The following DISP1 variants were observed in gnomAD, a reference collection of about 807,000 sequenced individuals.
The protein encoded by DISP1 is protein dispatched homolog 1.
DISP1 carries 30 observed loss-of-function variants against 37.3 expected under a neutral mutation model. The ratio of observed to expected loss-of-function variants is 0.80; its 90% confidence interval spans 0.60 to 1.09. The LOEUF is 1.09. Among genes scored for constraint, DISP1 ranks in the 50% least tolerant of loss-of-function variants. The pLI is 0.00. For missense variants in DISP1, 1,598 were observed against 1,879.5 expected (o/e 0.85, Z 2.77); for synonymous variants, 634 against 690.2 (o/e 0.92, Z 1.28).
At chr1:222,934,736 G>C (rs939335260) in intron 2 of DISP1, among the ~76,000 whole-genome samples, 1 of 152,074 alleles carries the variant, frequency 6.6e-6, no homozygotes, top group Non-Finnish European at 1.5e-5. Context: ...CCACTTGAGA[G>C]GGAAACAAAT....
chr1:222,931,592 T>C (rs964876926), intron 2 of DISP1, among the ~76,000 whole-genome samples: 6 of 151,758 alleles, frequency 4.0e-5, no homozygotes, highest in African/African-American at 1.5e-4. Context: ...TCTTATTTGG[T>C]GGGGATGTGA....
At chr1:222,958,076 C>T (rs767093005) in intron 3 of DISP1, among the ~76,000 whole-genome samples, 2 of 152,116 alleles carry the variant, frequency 1.3e-5, no homozygotes, top group Non-Finnish European at 2.9e-5. Context: ...AATGAGTGTG[C>T]GTTTTTGCTC....
chr1:222,964,032 A>G (rs1450241800), intron 3 of DISP1, among the ~76,000 whole-genome samples: 1 of 152,026 alleles, frequency 6.6e-6, no homozygotes, highest in Non-Finnish European at 1.5e-5. Context: ...AAAAAAAGAA[A>G]AGCCAGGCAT....
chr1:222,869,557 G>A (rs933272057), intron 1 of DISP1, among the ~76,000 whole-genome samples: 5 of 152,026 alleles, frequency 3.3e-5, no homozygotes, highest in Admixed American at 1.3e-4. Context: ...TTTTAACAAG[G>A]GAATTCTTTC....
At chr1:222,952,901 A>G (rs908175309) in intron 3 of DISP1, among the ~76,000 whole-genome samples, 8 of 152,222 alleles carry the variant, frequency 5.3e-5, no homozygotes, top group African/African-American at 1.9e-4. Flanking sequence ...GTCCTACATT[A>G]GCAAAAATTG....
At chr1:222,838,622 C>T (rs1034365506) in intron 1 of DISP1, among the ~76,000 whole-genome samples, 8 of 152,128 alleles carry the variant, frequency 5.3e-5, no homozygotes, top group Non-Finnish European at 1.0e-4. Context: ...AAAAAATTAG[C>T]TGGGCATGGT....
At chr1:222,959,016 C>G (rs1675828607) in intron 3 of DISP1, among the ~76,000 whole-genome samples, 1 of 152,012 alleles carries the variant, frequency 6.6e-6, no homozygotes. Context: ...ATTCTCATCA[C>G]ATTATTATCT....
At position 222,936,922 on chromosome 1, in the gene DISP1, T is replaced by C. The variant is rs867198610; in HGVS notation, c.-17-5885T>C. Reference sequence around the variant, plus strand: ...TTTATATATAATATATTATATATTATATAATATGTAATATATATTATATAT... The same window carrying C: ...TTTATATATAATATATTATATATTACATAATATGTAATATATATTATATAT... On this transcript the variant is annotated intron_variant, in intron 2 of 8. Transcript: ENST00000675850. Among the ~76,000 whole-genome samples the C allele has an allele frequency of 2.0e-3, 147 of 73,132 alleles. 1 individual carries two copies. Among genetic ancestry groups the C allele is most frequent in the African/African-American group, 6.9e-3 (142 of 20,476 alleles). The allele number at this position is 73,132 out of a possible 152,430, so 48.0% of individuals were successfully genotyped here.
chr1:222,822,812 C>T (rs1663274100), intron 1 of DISP1, among the ~76,000 whole-genome samples: 1 of 152,210 alleles, frequency 6.6e-6, no homozygotes, highest in Admixed American at 6.5e-5. Context: ...TGCACACCTT[C>T]TTAAAATCTC....
intron 1 of DISP1, among the ~76,000 whole-genome samples, chr1:222,886,316 A>C (rs1670599960): frequency 6.6e-6 from 1 of 152,204 alleles, no homozygotes. Context: ...CAATGATAGG[A>C]GCAGCTACCA....
chr1:222,817,056 G>A (rs1572074529), intron 1 of DISP1, among the ~76,000 whole-genome samples: 2 of 152,322 alleles, frequency 1.3e-5, no homozygotes, highest in East Asian at 1.9e-4. Context: ...GGCAAGTTGG[G>A]CTAGCTATAT....
At chr1:223,001,572 T>C (rs762077578) in intron 8 of DISP1, among the ~76,000 whole-genome samples, 1 of 152,206 alleles carries the variant, frequency 6.6e-6, no homozygotes, top group Non-Finnish European at 1.5e-5. Context: ...TCGGACTGGG[T>C]AATTTATAAA....
chr1:222,929,427 A>G (rs1673261949), intron 2 of DISP1, among the ~76,000 whole-genome samples: 1 of 152,180 alleles, frequency 6.6e-6, no homozygotes, highest in Non-Finnish European at 1.5e-5. Flanking sequence ...CATGCACATC[A>G]CTGACCATAA....
intron 3 of DISP1, among the ~76,000 whole-genome samples, chr1:222,946,516 A>G (rs370205834): frequency 2.6e-5 from 4 of 152,296 alleles, no homozygotes; most frequent in East Asian, 1.9e-4. Flanking sequence ...TTGTGCCTCA[A>G]TGATTACTTT....
chr1:222,950,598 T>C, intron 3 of DISP1, among the ~76,000 whole-genome samples: 1 of 145,730 alleles, frequency 6.9e-6, no homozygotes, highest in Admixed American at 6.9e-5. Context: ...AGACTCCGTC[T>C]CAAAAAAAAA....
At chr1:222,844,307 T>C (rs937537171) in intron 1 of DISP1, among the ~76,000 whole-genome samples, 11 of 152,168 alleles carry the variant, frequency 7.2e-5, no homozygotes, top group African/African-American at 2.7e-4. Context: ...CTTTCAAGTG[T>C]AGCTTAGAAA....
At chr1:222,942,329 A>G (rs1558344488) in intron 2 of DISP1, among the ~76,000 whole-genome samples, 1 of 152,158 alleles carries the variant, frequency 6.6e-6, no homozygotes, top group Non-Finnish European at 1.5e-5. Flanking sequence ...GATACAAAAC[A>G]TTCTTAAGAT....
intron 1 of DISP1, among the ~76,000 whole-genome samples, chr1:222,836,479 T>C (rs1667071773): frequency 6.6e-6 from 1 of 152,146 alleles, no homozygotes; most frequent in African/African-American, 2.4e-5. Flanking sequence ...GAAGATAGAA[T>C]AGGATAGTGA....
intron 1 of DISP1, among the ~76,000 whole-genome samples, chr1:222,882,903 A>AT (rs1558309983): frequency 6.6e-6 from 1 of 152,112 alleles, no homozygotes; most frequent in Non-Finnish European, 1.5e-5. Context: ...TAAAAAAGAA[A>AT]TTTTTGCAAA....
Sources: allele counts gnomAD v4.1 joint callset (sites outside exome capture counted in the v4.1 genomes callset), GRCh38; gene constraint gnomAD v4.1.1; transcripts MANE v1.5; gene names NCBI Gene and HGNC (gene_info 2026-07-23, HGNC 2026-07-21).